The following C9 variants were observed in gnomAD, a reference collection of about 807,000 sequenced individuals.
C9 encodes the protein complement component C9.
Under a neutral mutation model 65.4 loss-of-function variants are expected in C9, and 63 were observed. That is an observed-to-expected ratio of 0.96 (90% confidence interval 0.79 to 1.19). The LOEUF (loss-of-function observed/expected upper bound fraction) is 1.19, where lower values mean the gene tolerates loss of function less well. C9 is among the 50% of genes most tolerant of loss of function. C9 has a pLI of 0.00. For missense variants in C9, 744 were observed against 670.1 expected (o/e 1.11, Z -1.22); for synonymous variants, 229 against 227.9 (o/e 1.00, Z -0.04).
At position 39,284,879 on chromosome 5, in the gene C9, T is replaced by C. The variant is rs566974032; in HGVS notation, c.*320A>G. 13 of 349,876 alleles carry C rather than the reference T, an allele frequency of 3.7e-5. No homozygotes were observed. In the South Asian group the frequency reaches 5.1e-4, roughly 14 times the overall value. 21.7% of individuals were successfully genotyped at this position (349,876 alleles called of 1,614,324 possible). On this transcript the variant is annotated 3_prime_UTR_variant, in exon 11 of 11. Transcript: ENST00000263408. ...AAGCCGTTTGAAAATTACTTTGAAG[T>C]TTTTTAAACCAACATTCTGTTTTTA...
rs563253814 is a variant in C9 at position 39,330,678 on chromosome 5, A to C, written c.615+998T>G. Among the ~76,000 whole-genome samples the C allele has an allele frequency of 7.2e-5, 11 of 152,332 alleles. No homozygotes were observed. The South Asian group carries it at 2.3e-3, about 32-fold the overall frequency. ...GTTTAACCTGGCATTATTGGGGAAA[A>C]CCAACAGCCCAAAAGATTTCCTCAG... On this transcript the variant is annotated intron_variant, in intron 5 of 10. Coordinates refer to ENST00000263408, the MANE Select transcript of C9 (RefSeq NM_001737.5).
At position 39,340,946 on chromosome 5, in the gene C9, G is replaced by A. The variant is rs113844939; in HGVS notation, c.476+200C>T. ...TCCACTCTACAGACCCCTACTGAGG[G>A]CAGGCAATTTGTCCAAATTATCCTG... On this transcript the variant is annotated intron_variant, in intron 4 of 10. Coordinates refer to ENST00000263408, the MANE Select transcript of C9 (RefSeq NM_001737.5). 1.4e-3 allele frequency: 880 copies of A among 644,430 alleles called. 5 individuals are homozygous for A. The highest frequency in any genetic ancestry group is 0.013 in the African/African-American group (750 of 55,828). 39.9% of individuals were successfully genotyped at this position (644,430 alleles called of 1,614,324 possible). A position where few individuals can be genotyped will look rare whatever the true frequency, so the allele number is the denominator to read the frequency against.
intron 1 of C9, among the ~76,000 whole-genome samples, chr5:39,344,078 CAG>C (rs1189926358): frequency 6.6e-6 from 1 of 152,164 alleles, no homozygotes; most frequent in Non-Finnish European, 1.5e-5. Flanking sequence ...GGGGGAAAAA[CAG>C]AGCAGAAAAG....
At chr5:39,345,405 A>G (rs183318343) in intron 1 of C9, among the ~76,000 whole-genome samples, 192 of 152,352 alleles carry the variant, frequency 1.3e-3, no homozygotes, top group Non-Finnish European at 2.2e-3. Context: ...TTAAACCAAA[A>G]AAGATCAAAA....
chr5:39,287,265 G>C (rs1249207923), intron 10 of C9, among the ~76,000 whole-genome samples: 1 of 151,768 alleles, frequency 6.6e-6, no homozygotes, highest in East Asian at 1.9e-4. Context: ...TATTTGTCTA[G>C]GCCAATGTCC....
chr5:39,288,937 A>G lies in C9; in HGVS notation c.1431T>C (p.Tyr477=), dbSNP rs780388105. The G allele has an allele frequency of 3.8e-6, 6 of 1,595,980 alleles. No homozygotes were observed. Among genetic ancestry groups the G allele is most frequent in the Non-Finnish European group, 5.2e-6 (6 of 1,164,092 alleles). Reference sequence around the variant, plus strand: ...TTTTCATTTTCACTGGAACCAGATTATATATAGGAGACAGCTGAAAGGAAG... The same window carrying G: ...TTTTCATTTTCACTGGAACCAGATTGTATATAGGAGACAGCTGAAAGGAAG... The part of the protein sequence containing the change: ...VLISQKLSPI[Y]NLVPVKMKNA... Residue 477 remains tyrosine, a synonymous_variant, in exon 10 of 11, where the codon TAT becomes TAC. Coordinates refer to ENST00000263408, the MANE Select transcript of C9 (RefSeq NM_001737.5).
At chr5:39,298,461 A>G (rs1753223648) in intron 9 of C9, among the ~76,000 whole-genome samples, 1 of 151,750 alleles carries the variant, frequency 6.6e-6, no homozygotes, top group African/African-American at 2.4e-5. Context: ...TAACAATACC[A>G]GGAATCCAAG....
chr5:39,284,843 T>G lies in C9; in HGVS notation c.*356A>C, dbSNP rs1752961439. ...GTGGTCATGGACCTGGCAGAATATG[T>G]TAACCATACAAAGCCGTTTGAAAAT... is the stretch of plus-strand genomic sequence containing the variant. On this transcript the variant is annotated 3_prime_UTR_variant, in exon 11 of 11. Transcript: ENST00000263408. 3.4e-6 allele frequency: 1 copy of G among 295,590 alleles called. No homozygotes were observed. The highest frequency in any genetic ancestry group is 6.4e-6 in the Non-Finnish European group (1 of 156,180). The allele number at this position is 295,590 out of a possible 1,614,324, so 18.3% of individuals were successfully genotyped here. A position where few individuals can be genotyped will look rare whatever the true frequency, so the allele number is the denominator to read the frequency against.
chr5:39,285,282 C>T, intron 10 of C9, 49 bp from the exon 11 acceptor site: 1 of 1,490,766 alleles, frequency 6.7e-7, no homozygotes, highest in Non-Finnish European at 9.4e-7. Flanking sequence ...TAGGATTTTA[C>T]TTTGGGTCCA....
intron 5 of C9, among the ~76,000 whole-genome samples, chr5:39,326,686 T>C (rs1230910356): frequency 2.0e-5 from 3 of 152,192 alleles, no homozygotes; most frequent in Non-Finnish European, 4.4e-5. Flanking sequence ...AAGATAGCAG[T>C]TTCTATAGGG....
intron 6 of C9, among the ~76,000 whole-genome samples, chr5:39,314,223 G>A (rs1375981290): frequency 2.0e-5 from 3 of 152,114 alleles, no homozygotes; most frequent in African/African-American, 7.2e-5. Context: ...GCCGAGACGG[G>A]TGGATCACCT....
intron 1 of C9, among the ~76,000 whole-genome samples, chr5:39,360,117 G>A (rs187605245): frequency 6.6e-6 from 1 of 152,238 alleles, no homozygotes; most frequent in Non-Finnish European, 1.5e-5. Context: ...TATTTTTCCA[G>A]ATTGTTGAGA....
intron 9 of C9, among the ~76,000 whole-genome samples, chr5:39,292,645 G>A (rs1753117699): frequency 6.6e-6 from 1 of 151,556 alleles, no homozygotes; most frequent in Non-Finnish European, 1.5e-5. Context: ...TTGTCGCATT[G>A]TAGTATGAGT....
chr5:39,285,775 G>T (rs1047484671), intron 10 of C9, among the ~76,000 whole-genome samples: 7 of 151,790 alleles, frequency 4.6e-5, no homozygotes, highest in Admixed American at 2.6e-4. Context: ...ATTGGTCTAG[G>T]AGTAGAAACG....
chr5:39,353,011 C>T (rs1754350204), intron 1 of C9, among the ~76,000 whole-genome samples: 1 of 152,070 alleles, frequency 6.6e-6, no homozygotes, highest in African/African-American at 2.4e-5. Context: ...ACTCTGATTA[C>T]ACGGGCTCTT....
intron 7 of C9, among the ~76,000 whole-genome samples, chr5:39,309,269 A>AAC (rs371896549): frequency 8.8e-4 from 133 of 151,188 alleles, no homozygotes; most frequent in African/African-American, 2.9e-3. Context: ...CATACATGCA[A>AAC]ACACACACAC....
intron 5 of C9, among the ~76,000 whole-genome samples, chr5:39,326,875 A>T (rs189128794): frequency 1.3e-5 from 2 of 152,298 alleles, no homozygotes; most frequent in East Asian, 3.9e-4. Context: ...GGCAATTCCA[A>T]TTAAATATTT....
intron 1 of C9, among the ~76,000 whole-genome samples, chr5:39,364,167 C>T (rs1439231000): frequency 2.6e-5 from 4 of 152,188 alleles, no homozygotes; most frequent in Admixed American, 2.6e-4. Flanking sequence ...CATTTGAGTG[C>T]CTTGTTGAAA....
intron 1 of C9, among the ~76,000 whole-genome samples, chr5:39,362,080 C>T (rs376895356): frequency 3.2e-4 from 49 of 152,246 alleles, no homozygotes; most frequent in Admixed American, 1.9e-3. Flanking sequence ...ATGTTCACAA[C>T]GAAAACCTTA....
Sources: allele counts gnomAD v4.1 joint callset (sites outside exome capture counted in the v4.1 genomes callset), GRCh38; gene constraint gnomAD v4.1.1; transcripts MANE v1.5; gene names NCBI Gene and HGNC (gene_info 2026-07-23, HGNC 2026-07-21).